Variants in C20orf96 observed in about 807,000 individuals in gnomAD.
C20orf96 encodes uncharacterized protein C20orf96.
A neutral mutation model predicts 52.6 loss-of-function variants in C20orf96; 57 were observed. The observed-to-expected ratio is 1.08, with a 90% CI of 0.88 to 1.35. The LOEUF is 1.35. Among genes scored for constraint, C20orf96 ranks in the 40% most tolerant of loss-of-function variants. The pLI is 0.00. For synonymous variants in C20orf96, 168 were observed against 157.2 expected (o/e 1.07, Z -0.51); for missense variants, 478 against 443.6 (o/e 1.08, Z -0.70).
Position 273,888 on chromosome 20 carries a change from AG to A in C20orf96, c.1031+2079del, listed in dbSNP as rs1224339367. 5.9e-3 allele frequency among the ~76,000 whole-genome samples: 436 copies of A among 73,674 alleles called. 22 individuals are homozygous for A. The highest frequency in any genetic ancestry group is 0.02 in the African/African-American group (333 of 16,492). The allele number at this position is 73,674 out of a possible 152,430, so 48.3% of individuals were successfully genotyped here. A position where few individuals can be genotyped will look rare whatever the true frequency, so the allele number is the denominator to read the frequency against. On this transcript the variant is annotated intron_variant, in intron 10 of 10. Coordinates refer to ENST00000360321, the MANE Select transcript of C20orf96 (RefSeq NM_153269.3). ...CTAGACTCTGTCTCAAGAAGAAGGA[AG>A]GAAGAAAGGAAGGAAGGGAGGGAGG...
At chr20:286,590 G>GAAAAGA (rs147067453) in intron 3 of C20orf96, among the ~76,000 whole-genome samples, 8,375 of 150,410 alleles carry the variant, frequency 0.056, 302 homozygotes, top group Non-Finnish European at 0.082. Flanking sequence ...AGAGGAAAAG[G>GAAAAGA]AAAAGAAAAA....
intron 4 of C20orf96, among the ~76,000 whole-genome samples, chr20:281,062 G>A (rs111310403): frequency 0.021 from 3,162 of 152,188 alleles, 46 homozygotes; most frequent in Middle Eastern, 0.065. Flanking sequence ...AGTCTGAGGT[G>A]GGAGGAATGT....
At chr20:274,125 C>T (rs6081647) in intron 10 of C20orf96, among the ~76,000 whole-genome samples, 45,108 of 151,712 alleles carry the variant, frequency 0.3, 7,043 homozygotes, top group East Asian at 0.37. Context: ...CTTTTTAACG[C>T]GATCTCCAGG....
chr20:290,306 G>C lies in C20orf96; in HGVS notation c.22C>G (p.Pro8Ala). Residue 8 changes from proline (P) to alanine (A), a missense_variant and splice_region_variant, in exon 2 of 11, where the codon CCC becomes GCC. Physicochemically the swap from Pro to Ala is conservative, Grantham distance 27. Coordinates refer to ENST00000360321, the MANE Select transcript of C20orf96 (RefSeq NM_153269.3). ...ATGGAGTGAGTCCCAGAGTGCTTGG[G>C]TCTGGAAAGAGTTGGGAAGGGAAAG... MAHVLQK[P>A]KHSGTHSIVQ... 1 of 1,612,904 alleles carries C rather than the reference G, an allele frequency of 6.2e-7. No homozygotes were observed. The highest frequency in any genetic ancestry group is 8.5e-7 in the Non-Finnish European group (1 of 1,179,472).
intron 6 of C20orf96, 104 bp from the exon 7 acceptor site, chr20:277,487 TG>T (rs1234699719): frequency 1.7e-6 from 2 of 1,202,590 alleles, no homozygotes; most frequent in African/African-American, 3.0e-5. Flanking sequence ...GGCCAGTAAC[TG>T]GGGTCTGGGC....
chr20:280,892 C>T (rs889589670), intron 4 of C20orf96, among the ~76,000 whole-genome samples: 4 of 152,174 alleles, frequency 2.6e-5, no homozygotes, highest in African/African-American at 9.7e-5. Flanking sequence ...CGGTGACTCA[C>T]GCCTGTAATC....
intron 10 of C20orf96, among the ~76,000 whole-genome samples, chr20:271,481 T>C (rs199540890): frequency 4.6e-4 from 55 of 120,188 alleles, no homozygotes; most frequent in East Asian, 9.8e-4. Context: ...CACACACACA[T>C]ACACACACAT....
intron 5 of C20orf96, 39 bp downstream of exon 5, chr20:279,133 A>AGGGAGGGAGGGATGGAGGGAGGG: frequency 2.6e-6 from 3 of 1,134,566 alleles, no homozygotes. Context: ...GGAGGTTGGG[A>AGGGAGGGAGGGATGGAGGGAGGG]CGGAGGGACG....
In C20orf96 at chr20:277,367, T is replaced by C; in HGVS notation, c.582A>G (p.Ala194=). 6.2e-7 allele frequency: 1 copy of C among 1,614,018 alleles called. No homozygotes were observed. Among genetic ancestry groups the C allele is most frequent in the South Asian group, 1.1e-5 (1 of 91,078 alleles). The change falls in exon 7 of 11, where the codon GCA becomes GCG. Residue 194 remains alanine, a synonymous_variant. Transcript: ENST00000360321. ...TCTCAATCTTGGCATTCAGCTGCTC[T>C]GCCTGCTGCTCAAGATCTGGGGAGG... ...KCKMSYLEQQ[A]EQLNAKIEKT...
rs530397827 is a variant in C20orf96 at position 289,581 on chromosome 20, C to T, written c.165G>A (p.Lys55=). Residue 55 remains lysine (K), a synonymous_variant, in exon 3 of 11, where the codon AAG becomes AAA. Transcript: ENST00000360321. ...QANSLHTSKM[K]TLTRVQPVFH... is the part of the protein sequence containing the mutation. The stretch of plus-strand genomic sequence containing the variant: ...CACCTGGTTGGACCCTAGTCAAAGT[C>T]TTCATTTTGCTTGTATGAAGGCTGT... The T allele has an allele frequency of 4.2e-5, 67 of 1,614,006 alleles. No homozygotes were observed. In the South Asian group the frequency reaches 7.2e-4, roughly 17 times the overall value.
intron 3 of C20orf96, among the ~76,000 whole-genome samples, chr20:284,782 G>A (rs531325605): frequency 6.6e-5 from 10 of 152,326 alleles, no homozygotes; most frequent in Admixed American, 3.9e-4. Context: ...GTTTGAACTC[G>A]GGAGGCGGAG....
chr20:276,219 C>A, intron 9 of C20orf96, 133 bp from the exon 10 acceptor site: 2 of 1,531,970 alleles, frequency 1.3e-6, no homozygotes, highest in Non-Finnish European at 8.8e-7. Flanking sequence ...ACTTGCTGGA[C>A]TCCAGGGAGG....
intron 10 of C20orf96, among the ~76,000 whole-genome samples, chr20:273,175 A>G (rs1389112536): frequency 1.3e-5 from 2 of 151,978 alleles, no homozygotes; most frequent in African/African-American, 2.4e-5. Flanking sequence ...GGGTTTCACC[A>G]TGTTGCCCAA....
At chr20:272,836 T>C (rs551543542) in intron 10 of C20orf96, among the ~76,000 whole-genome samples, 13 of 152,286 alleles carry the variant, frequency 8.5e-5, no homozygotes, top group Admixed American at 3.3e-4. Context: ...TTCCTAAATA[T>C]TTCTCCAATC....
chr20:283,926 T>C, intron 4 of C20orf96, 37 bp downstream of exon 4: 1 of 1,427,044 alleles, frequency 7.0e-7, no homozygotes, highest in Non-Finnish European at 9.9e-7. Context: ...CCCGTCCCTG[T>C]CCTGGGCCCA....
At chr20:290,160 G>A (rs756575971) in intron 2 of C20orf96, 99 bp downstream of exon 2, 5 of 942,638 alleles carry the variant, frequency 5.3e-6, no homozygotes, top group Non-Finnish European at 8.0e-6. Context: ...CGGGTCTCCA[G>A]CCTATATCCG....
intron 3 of C20orf96, among the ~76,000 whole-genome samples, chr20:288,473 C>T (rs565972155): frequency 1.3e-3 from 194 of 152,204 alleles, no homozygotes; most frequent in Non-Finnish European, 2.1e-3. Context: ...CTGACTCTCT[C>T]TCTAGGGTAG....
chr20:283,346 C>T (rs932078149), intron 4 of C20orf96, among the ~76,000 whole-genome samples: 3 of 152,008 alleles, frequency 2.0e-5, no homozygotes, highest in Non-Finnish European at 4.4e-5. Context: ...CTCTGTCTCC[C>T]AGGCTGGAGT....
intron 2 of C20orf96, 96 bp from the exon 3 acceptor site, chr20:289,772 C>A: frequency 1.1e-6 from 1 of 917,056 alleles, no homozygotes; most frequent in Non-Finnish European, 1.8e-6. Flanking sequence ...GACTTGACCT[C>A]TCCTGAGCCT....
Sources: allele counts gnomAD v4.1 joint callset (sites outside exome capture counted in the v4.1 genomes callset), GRCh38; gene constraint gnomAD v4.1.1; transcripts MANE v1.5; gene names NCBI Gene and HGNC (gene_info 2026-07-23, HGNC 2026-07-21).